ZNF184: variants seen among roughly 807,000 people sequenced by gnomAD.
ZNF184 encodes the protein zinc finger protein 184 (Kruppel-like).
Under a neutral mutation model 54.4 loss-of-function variants are expected in ZNF184, and 16 were observed. The ratio of observed to expected loss-of-function variants is 0.29; its 90% CI spans 0.20 to 0.45. The LOEUF is 0.45. Ranked by LOEUF, ZNF184 falls within the 20% of genes least tolerant of loss-of-function variation. The pLI is 1.00. For missense variants in ZNF184, 681 were observed against 888.2 expected, an observed-to-expected ratio of 0.77 and a Z score of 2.97; for synonymous variants, 254 against 295.3, an observed-to-expected ratio of 0.86 and a Z score of 1.43.
At chr6:27,447,464 G>A (rs757826834), downstream of ZNF184, among the ~76,000 whole-genome samples, 16 of 152,052 alleles carry the variant, frequency 1.1e-4, no homozygotes, top group Non-Finnish European at 2.9e-5. Flanking sequence ...TGTAATCCTG[G>A]CACTTTGGGA....
At position 27,472,154 on chromosome 6, in the gene ZNF184, G is replaced by A. The variant is rs1187842171; in HGVS notation, c.7+134C>T. On this transcript the variant is annotated intron_variant, in intron 2 of 5. Transcript: ENST00000683788. The surrounding 1 kb of genome is among the most constrained non-coding windows in gnomAD (Gnocchi z 4.8). ...GAATCTCTCCCTACAATGTAATTCG[G>A]TTTCTTTGCTAATCCCTAAGCATAC... is the stretch of plus-strand genomic sequence containing the variant. The A allele has an allele frequency of 8.5e-7, 1 of 1,178,970 alleles. No homozygotes were observed. The highest frequency in any genetic ancestry group is 1.2e-6 in the Non-Finnish European group (1 of 838,440). The allele number at this position is 1,178,970 out of a possible 1,614,324, so 73.0% of individuals were successfully genotyped here. A position where few individuals can be genotyped will look rare whatever the true frequency, so the allele number is the denominator to read the frequency against.
Position 27,456,907 on chromosome 6 carries a change from T to G in ZNF184, c.217A>C (p.Lys73Gln). Residue 73 changes from lysine to glutamine, a missense_variant, in exon 5 of 6, where the codon AAA becomes CAA. By Grantham distance (53) the Lys-to-Gln change is moderately conservative. Coordinates refer to ENST00000683788, the MANE Select transcript of ZNF184 (RefSeq NM_001318891.2). ...HLVSIGLQVS[K>Q]PDVISQLEQG... ...TCTAACTGGGAAATCACATCAGGTT[T>G]AGAAACTTGGAGTCCTGTTCATTAG... 1 of 1,614,098 alleles carries G rather than the reference T, an allele frequency of 6.2e-7. No individual in the cohort carries two copies. The highest frequency in any genetic ancestry group is 8.5e-7 in the Non-Finnish European group (1 of 1,179,996).
chr6:27,452,926 C>G lies in ZNF184; in HGVS notation c.633G>C (p.Gln211His). 1 of 1,614,112 alleles carries G rather than the reference C, an allele frequency of 6.2e-7. No individual in the cohort carries two copies. The highest frequency in any genetic ancestry group is 8.5e-7 in the Non-Finnish European group (1 of 1,179,998). Residue 211 changes from glutamine (Q) to histidine (H), a missense_variant, in exon 6 of 6, where the codon CAG (glutamine) becomes CAC (histidine). Transcript: ENST00000683788. The surrounding 1 kb of genome is among the most constrained non-coding windows in gnomAD (Gnocchi z 5.5). Reference protein sequence around the residue: ...EETSTKRSIKQNSNPVKKEKS... With the variant: ...EETSTKRSIKHNSNPVKKEKS... ...TCTCTTTTTTAACTGGGTTTGAATT[C>G]TGTTTGATGCTTCTTTTAGTAGAGG...
In ZNF184 at chr6:27,453,147, A is replaced by G. The variant is rs772696285; in HGVS notation, c.412T>C (p.Ser138Pro). The part of the protein sequence containing the change: ...EKHKRDDSWS[S>P]NLLESWEYEG... ...TATTCCCAACTTTCTAGCAAGTTGG[A>G]ACTCCAAGAATCATCTCTTTTGTGT... Residue 138 changes from serine (S) to proline (P), a missense_variant, in exon 6 of 6, where the codon TCC becomes CCC. Ser to Pro is a moderately conservative substitution (Grantham distance 74). Coordinates refer to ENST00000683788, the MANE Select transcript of ZNF184 (RefSeq NM_001318891.2). The surrounding 1 kb of genome is among the most constrained non-coding windows in gnomAD (Gnocchi z 4.7). 5.0e-6 allele frequency: 8 copies of G among 1,614,100 alleles called. No homozygotes were observed. The South Asian group carries it at 8.8e-5, about 18-fold the overall frequency.
the ZNF184 span, among the ~76,000 whole-genome samples, chr6:27,413,331 C>G: frequency 3.3e-5 from 5 of 152,136 alleles, no homozygotes; most frequent in African/African-American, 9.7e-5. Context: ...AAATCCATAC[C>G]TTTTATGGTT....
rs781654172 is a variant in ZNF184 at position 27,456,961 on chromosome 6, G to A, written c.203-40C>T. 1.9e-5 allele frequency: 30 copies of A among 1,543,468 alleles called. No individual in the cohort carries two copies. The East Asian group carries it at 4.9e-4, about 25-fold the overall frequency. ...AAAAAAGAAAGAAACCTGCAGTAAG[G>A]GGAAAGTACCATATCAGAATTCAAT... On this transcript the variant is annotated intron_variant, in intron 4 of 5. Transcript: ENST00000683788.
the ZNF184 span, chr6:27,405,816 GC>G: frequency 6.6e-6 from 1 of 152,236 alleles, no homozygotes; most frequent in African/African-American, 2.4e-5. Flanking sequence ...GAACACTGGG[GC>G]TCAGCTCCCT....
At chr6:27,463,980 T>C (rs1332603135) in intron 3 of ZNF184, among the ~76,000 whole-genome samples, 4 of 151,836 alleles carry the variant, frequency 2.6e-5, no homozygotes, top group East Asian at 1.9e-4. Context: ...CTTGGCGCTA[T>C]TGATATTTTG....
chr6:27,455,806 C>T (rs1396341097), intron 5 of ZNF184, among the ~76,000 whole-genome samples: 1 of 152,120 alleles, frequency 6.6e-6, no homozygotes, highest in African/African-American at 2.4e-5. Flanking sequence ...AGAACCTCAC[C>T]TACATCCCAT....
chr6:27,436,819 A>G, the ZNF184 span, among the ~76,000 whole-genome samples: 1 of 152,334 alleles, frequency 6.6e-6, no homozygotes, highest in African/African-American at 2.4e-5. Flanking sequence ...TGACCAGCTC[A>G]GTACATTTTT....
At chr6:27,417,804 T>C in the ZNF184 span, among the ~76,000 whole-genome samples, 4 of 152,224 alleles carry the variant, frequency 2.6e-5, no homozygotes, top group African/African-American at 7.2e-5. Flanking sequence ...AAACTATGTA[T>C]GTAGTATAAT....
chr6:27,438,244 T>C, the ZNF184 span, among the ~76,000 whole-genome samples: 5 of 152,324 alleles, frequency 3.3e-5, no homozygotes, highest in South Asian at 2.1e-4. Context: ...ATTTTAATTG[T>C]TCCATCTATA....
At chr6:27,423,221 C>G in the ZNF184 span, among the ~76,000 whole-genome samples, 1 of 152,200 alleles carries the variant, frequency 6.6e-6, no homozygotes, top group Non-Finnish European at 1.5e-5. Flanking sequence ...CCTTAGAAAC[C>G]CCGTGTGAGG....
In ZNF184 at chr6:27,455,500, C is replaced by T. The variant is rs115273096; in HGVS notation, c.298+1326G>A. On this transcript the variant is annotated intron_variant, in intron 5 of 5. Coordinates refer to ENST00000683788, the MANE Select transcript of ZNF184 (RefSeq NM_001318891.2). ...ATAAAACTTGACAACTTGCTTTTTC[C>T]AAAAGTTAACTAACCATAAGCCCCA... Among the ~76,000 whole-genome samples the T allele has an allele frequency of 2.5e-3, 384 of 151,796 alleles. 4 individuals are homozygous for T. Among genetic ancestry groups the T allele is most frequent in the African/African-American group, 9.0e-3 (371 of 41,384 alleles).
rs1297822760 is a variant in ZNF184 at position 27,467,919 on chromosome 6, A to C, written c.9T>G (p.Asp3Glu). The change falls in exon 3 of 6, where the codon GAT (aspartate) becomes GAG (glutamate). Residue 3 changes from aspartate (D) to glutamate (E), a missense_variant and splice_region_variant. Asp to Glu is a conservative substitution (Grantham distance 45, BLOSUM62 2). Coordinates refer to ENST00000683788, the MANE Select transcript of ZNF184 (RefSeq NM_001318891.2). The part of the protein sequence containing the change: ME[D>E]LSSPDSTLLQ... ...GAAGGGTGGAGTCTGGAGAGGACAGATCTAGGGGGAGAAGCAGGAGCCATA... is the reference window on the plus strand; with the variant it reads ...GAAGGGTGGAGTCTGGAGAGGACAGCTCTAGGGGGAGAAGCAGGAGCCATA... 16 of 1,602,850 alleles carry C rather than the reference A, an allele frequency of 1.0e-5. No individual in the cohort carries two copies. Among genetic ancestry groups the C allele is most frequent in the Non-Finnish European group, 1.3e-5 (15 of 1,175,366 alleles).
chr6:27,444,141 T>A, the ZNF184 span, among the ~76,000 whole-genome samples: 5 of 152,144 alleles, frequency 3.3e-5, no homozygotes, highest in Non-Finnish European at 4.4e-5. Flanking sequence ...CTCCTCTTCT[T>A]AAACTTCTAA....
At chr6:27,469,686 G>A (rs1763227240) in intron 2 of ZNF184, among the ~76,000 whole-genome samples, 1 of 151,986 alleles carries the variant, frequency 6.6e-6, no homozygotes, top group Non-Finnish European at 1.5e-5. Flanking sequence ...GTATGAAATA[G>A]ACTAGCAATG....
intron 5 of ZNF184, among the ~76,000 whole-genome samples, chr6:27,456,306 T>C (rs1030162694): frequency 6.6e-6 from 1 of 151,716 alleles, no homozygotes; most frequent in African/African-American, 2.4e-5. Flanking sequence ...TAGGTAAGAA[T>C]TAGGTGATAA....
the ZNF184 span, among the ~76,000 whole-genome samples, chr6:27,419,311 T>C: frequency 2.0e-5 from 3 of 152,170 alleles, no homozygotes; most frequent in Non-Finnish European, 4.4e-5. The surrounding 1 kb of genome is among the most constrained non-coding windows in gnomAD (Gnocchi z 4.8). Flanking sequence ...TTTCGCCATA[T>C]TGGCCAGGCT....
Sources: gnomAD v4.1 joint callset for allele counts (sites outside exome capture counted in the v4.1 genomes callset) on GRCh38, gnomAD v4.1.1 for gene constraint, Gnocchi (gnomAD v3.1) non-coding constraint, MANE v1.5 for transcripts, NCBI Gene and HGNC (gene_info 2026-07-23, HGNC 2026-07-21) for gene names.